The following DISC1 variants were observed in gnomAD, a reference collection of about 807,000 sequenced individuals.
DISC1 encodes the protein disrupted in schizophrenia 1 protein.
Under a neutral mutation model 84.5 loss-of-function variants are expected in DISC1, and 57 were observed. The ratio of observed to expected loss-of-function variants is 0.67; its 90% CI spans 0.55 to 0.84. The LOEUF (loss-of-function observed/expected upper bound fraction) is 0.84. Among genes scored for constraint, DISC1 ranks in the 40% least tolerant of loss-of-function variants. The pLI is 0.00. For missense variants in DISC1, 1,000 were observed against 1,057.8 expected, an observed-to-expected ratio of 0.95 and a Z score of 0.76; for synonymous variants, 411 against 415.2, an observed-to-expected ratio of 0.99 and a Z score of 0.12.
chr1:231,891,569 A>G (rs2087218929), intron 9 of DISC1, among the ~76,000 whole-genome samples: 1 of 152,114 alleles, frequency 6.6e-6, no homozygotes, highest in Non-Finnish European at 1.5e-5. Context: ...GGTAGTTTGA[A>G]TAATTCCAGT....
At chr1:231,939,357 T>C (rs2091167613) in intron 9 of DISC1, among the ~76,000 whole-genome samples, 1 of 152,224 alleles carries the variant, frequency 6.6e-6, no homozygotes. Context: ...AATGAATGAC[T>C]CCAGCCTAAC....
chr1:231,903,958 A>G (rs1405226406), intron 9 of DISC1, among the ~76,000 whole-genome samples: 1 of 152,214 alleles, frequency 6.6e-6, no homozygotes, highest in African/African-American at 2.4e-5. Context: ...CACAGAAGAA[A>G]CTGCAAAAGC....
chr1:231,910,042 T>C (rs1369767001), intron 9 of DISC1, among the ~76,000 whole-genome samples: 1 of 152,240 alleles, frequency 6.6e-6, no homozygotes, highest in African/African-American at 2.4e-5. Flanking sequence ...TCATTTTTTA[T>C]TGCACCTATT....
At chr1:231,924,251 T>C (rs1419930337) in intron 9 of DISC1, among the ~76,000 whole-genome samples, 3 of 152,170 alleles carry the variant, frequency 2.0e-5, no homozygotes, top group Admixed American at 6.5e-5. Flanking sequence ...CATCTGTTCT[T>C]GGGAGGACAG....
intron 1 of DISC1, among the ~76,000 whole-genome samples, chr1:231,646,745 C>T (rs2125241357): frequency 6.6e-6 from 1 of 152,278 alleles, no homozygotes; most frequent in East Asian, 1.9e-4. Context: ...TTTTAATGAT[C>T]ACCATTCTAA....
chr1:231,943,240 A>C (rs1446401280), intron 9 of DISC1, among the ~76,000 whole-genome samples: 1 of 152,248 alleles, frequency 6.6e-6, no homozygotes, highest in Non-Finnish European at 1.5e-5. Flanking sequence ...CATTGAAAAG[A>C]GTTTGTTACT....
chr1:231,879,463 T>C lies in DISC1; in HGVS notation c.1981+60946T>C, dbSNP rs183208378. 2.6e-5 allele frequency among the ~76,000 whole-genome samples: 4 copies of C among 152,112 alleles called. No individual in the cohort carries two copies. The East Asian group carries it at 7.8e-4, about 30-fold the overall frequency. ...CCCTTAAAAGGTTTGCTATAGCCAG[T>C]GATGTGATCAGATCTGTGCTTTTCA... On this transcript the variant is annotated intron_variant, in intron 9 of 12. Coordinates refer to ENST00000439617, the MANE Select transcript of DISC1 (RefSeq NM_018662.3).
intron 5 of DISC1, among the ~76,000 whole-genome samples, chr1:231,769,948 C>A (rs759223234): frequency 1.3e-5 from 2 of 152,108 alleles, no homozygotes; most frequent in African/African-American, 2.4e-5. Context: ...AGTAGACATT[C>A]TTTAGTAACT....
chr1:231,812,041 C>G (rs1353901897), intron 8 of DISC1, among the ~76,000 whole-genome samples: 1 of 152,102 alleles, frequency 6.6e-6, no homozygotes, highest in Non-Finnish European at 1.5e-5. Flanking sequence ...GCCCCAGGTG[C>G]TATGAAGTAC....
At chr1:231,883,233 T>C (rs1379766952) in intron 9 of DISC1, among the ~76,000 whole-genome samples, 1 of 152,156 alleles carries the variant, frequency 6.6e-6, no homozygotes, top group African/African-American at 2.4e-5. Flanking sequence ...TTCATTCTTC[T>C]TTCTCTCTAT....
At position 231,954,468 on chromosome 1, in the gene DISC1, A is replaced by C. The variant is rs970024950; in HGVS notation, c.1982-4360A>C. Among the ~76,000 whole-genome samples, 2 of 152,112 alleles carry C rather than the reference A, an allele frequency of 1.3e-5. No homozygotes were observed. The highest frequency in any genetic ancestry group is 2.4e-5 in the African/African-American group (1 of 41,384). ...ATTCCACTCTGTTATCATGGCCTGA[A>C]CCTGAATATCAGATTCCCTTAATAA... On this transcript the variant is annotated intron_variant, in intron 9 of 12. Coordinates refer to ENST00000439617, the MANE Select transcript of DISC1 (RefSeq NM_018662.3). This position sits in a 1 kb window ranked among gnomAD's most constrained non-coding sequence, Gnocchi z 4.8.
chr1:231,815,227 G>T (rs1217520298), intron 8 of DISC1: 1 of 152,038 alleles, frequency 6.6e-6, no homozygotes, highest in African/African-American at 2.4e-5. Flanking sequence ...GGAATGCACA[G>T]GTCTTAAGTG....
intron 9 of DISC1, among the ~76,000 whole-genome samples, chr1:231,828,626 AT>A (rs756996750): frequency 7.2e-5 from 11 of 152,250 alleles, no homozygotes; most frequent in Non-Finnish European, 1.0e-4. Flanking sequence ...ATAAAATAAA[AT>A]TTTTGAAATG....
chr1:231,902,270 A>G lies in DISC1; in HGVS notation c.1982-56558A>G, dbSNP rs56165130. 6.9e-3 allele frequency among the ~76,000 whole-genome samples: 1,053 copies of G among 152,184 alleles called. 9 individuals carry two copies. Among genetic ancestry groups the G allele is most frequent in the African/African-American group, 0.024 (977 of 41,516 alleles). ...AAGTTGTTCACTTATTCATATGACAATTATTTGTTTTTGTGCATATTATGT... is the reference window on the plus strand; with the variant it reads ...AAGTTGTTCACTTATTCATATGACAGTTATTTGTTTTTGTGCATATTATGT... On this transcript the variant is annotated intron_variant, in intron 9 of 12. Transcript: ENST00000439617.
At chr1:231,706,346 G>T (rs960326993) in intron 3 of DISC1, among the ~76,000 whole-genome samples, 2 of 152,176 alleles carry the variant, frequency 1.3e-5, no homozygotes, top group African/African-American at 4.8e-5. Flanking sequence ...AAGGATTCCA[G>T]CTCTGACATG....
chr1:231,855,204 C>T, intron 9 of DISC1: 1 of 1,008,742 alleles, frequency 9.9e-7, no homozygotes, highest in African/African-American at 1.7e-5. Flanking sequence ...AAACTTACAC[C>T]TTATTCTAAG....
chr1:231,666,309 GAAAA>G (rs751745733), intron 1 of DISC1, among the ~76,000 whole-genome samples: 14 of 87,260 alleles, frequency 1.6e-4, no homozygotes, highest in African/African-American at 5.4e-4. Context: ...TTTGTCTCAG[GAAAA>G]AAAAAAAAAA....
chr1:231,723,291 T>A (rs2070131784), intron 3 of DISC1: 1 of 986,218 alleles, frequency 1.0e-6, no homozygotes, highest in Non-Finnish European at 1.2e-6. Context: ...TTAAAACCCG[T>A]GTTGTTCAAG....
At chr1:231,976,931 T>A (rs1278488937) in intron 10 of DISC1, among the ~76,000 whole-genome samples, 1 of 152,162 alleles carries the variant, frequency 6.6e-6, no homozygotes, top group Non-Finnish European at 1.5e-5. Flanking sequence ...TTTAAAGAGA[T>A]TATGTGCTGT....
Sources: allele counts gnomAD v4.1 joint callset (sites outside exome capture counted in the v4.1 genomes callset), GRCh38; gene constraint gnomAD v4.1.1; non-coding constraint Gnocchi (gnomAD v3.1); transcripts MANE v1.5; gene names NCBI Gene and HGNC (gene_info 2026-07-23, HGNC 2026-07-21).